NTN1: variants seen among roughly 807,000 people sequenced by gnomAD.
The protein encoded by NTN1 is netrin 1.
A neutral mutation model predicts 54.2 loss-of-function variants in NTN1; 11 were observed. The observed-to-expected ratio is 0.20, with a 90% CI of 0.13 to 0.34. The LOEUF is 0.34. Ranked by LOEUF, NTN1 falls within the 10% of genes least tolerant of loss-of-function variation. The pLI is 1.00. For synonymous variants in NTN1, 371 were observed against 382.0 expected, an observed-to-expected ratio of 0.97 and a Z score of 0.33; for missense variants, 740 against 893.1, an observed-to-expected ratio of 0.83 and a Z score of 2.18.
At chr17:9,006,100 G>T in the NTN1 span, among the ~76,000 whole-genome samples, 1 of 151,772 alleles carries the variant, frequency 6.6e-6, no homozygotes, top group Non-Finnish European at 1.5e-5. Flanking sequence ...GTGTGAAGTG[G>T]GCGGTGGAGG....
chr17:9,146,636 C>T (rs1335455537), intron 2 of NTN1, among the ~76,000 whole-genome samples: 1 of 152,028 alleles, frequency 6.6e-6, no homozygotes, highest in Non-Finnish European at 1.5e-5. Flanking sequence ...CCCTGGGGCT[C>T]CTGGCAGCCA....
At chr17:9,073,450 T>C (rs2092039240) in intron 2 of NTN1, among the ~76,000 whole-genome samples, 1 of 152,236 alleles carries the variant, frequency 6.6e-6, no homozygotes, top group Non-Finnish European at 1.5e-5. Flanking sequence ...CAGAATAGCC[T>C]GGGATGGAAA....
In NTN1 at chr17:9,154,550, T is replaced by C. The variant is rs545255789; in HGVS notation, c.1019-8263T>C. Reference sequence around the variant, plus strand: ...TTCCCAAAAGGAGCCCTTTGAGAGGTTGGCTCAGAATGATCCCCAGGTGTG... The same window carrying C: ...TTCCCAAAAGGAGCCCTTTGAGAGGCTGGCTCAGAATGATCCCCAGGTGTG... On this transcript the variant is annotated intron_variant, in intron 2 of 6. Coordinates refer to ENST00000173229, the MANE Select transcript of NTN1 (RefSeq NM_004822.3). Among the ~76,000 whole-genome samples, 32 of 152,222 alleles carry C rather than the reference T, an allele frequency of 2.1e-4. No individual in the cohort carries two copies. The South Asian group carries it at 6.6e-3, about 32-fold the overall frequency.
rs138602358 is a variant in NTN1, at chr17:9,035,302, C to T, written c.1018+11911C>T. ...TGGAATCATATTCTGGCTTCTTTTG[C>T]TCCATGTTACATTTGTGGTCTTCAT... is the stretch of plus-strand genomic sequence containing the variant. On this transcript the variant is annotated intron_variant, in intron 2 of 6. Transcript: ENST00000173229. Among the ~76,000 whole-genome samples, 226 of 152,298 alleles carry T rather than the reference C, an allele frequency of 1.5e-3. 1 individual carries two copies. Among genetic ancestry groups the T allele is most frequent in the African/African-American group, 5.2e-3 (216 of 41,572 alleles).
chr17:9,214,798 G>A (rs1905181057), intron 5 of NTN1, among the ~76,000 whole-genome samples: 1 of 152,088 alleles, frequency 6.6e-6, no homozygotes, highest in Non-Finnish European at 1.5e-5. Context: ...CTCCAGCCTG[G>A]GCAACACAGT....
At chr17:9,142,962 G>A (rs1484823089) in intron 2 of NTN1, among the ~76,000 whole-genome samples, 16 of 152,226 alleles carry the variant, frequency 1.1e-4, no homozygotes, top group Non-Finnish European at 4.4e-5. Flanking sequence ...AAGGTAATGT[G>A]CAGTGAAGAA....
chr17:9,205,477 A>G (rs1904941570), intron 5 of NTN1, among the ~76,000 whole-genome samples: 1 of 152,208 alleles, frequency 6.6e-6, no homozygotes, highest in Admixed American at 6.5e-5. Flanking sequence ...AAAATAATAA[A>G]TTAGCTATGT....
intron 2 of NTN1, among the ~76,000 whole-genome samples, chr17:9,043,122 A>T (rs2091928066): frequency 6.6e-6 from 1 of 152,206 alleles, no homozygotes; most frequent in Non-Finnish European, 1.5e-5. Context: ...TCATTTTTCA[A>T]GCATAGGATT....
Position 9,135,075 on chromosome 17 carries a change from C to T in NTN1, c.1019-27738C>T, listed in dbSNP as rs2092276941. On this transcript the variant is annotated intron_variant, in intron 2 of 6. Transcript: ENST00000173229. This position sits in a 1 kb window ranked among gnomAD's most constrained non-coding sequence, Gnocchi z 4.4. Reference sequence around the variant, plus strand: ...ATTCTCCGAGTGCTGTACCTGGACACGGGTGTCCCCATCCACACCGAGGGC... The same window carrying T: ...ATTCTCCGAGTGCTGTACCTGGACATGGGTGTCCCCATCCACACCGAGGGC... Among the ~76,000 whole-genome samples, 1 of 152,136 alleles carries T rather than the reference C, an allele frequency of 6.6e-6. No individual in the cohort carries two copies. The highest frequency in any genetic ancestry group is 2.4e-5 in the African/African-American group (1 of 41,418).
At chr17:9,011,517 G>A in the NTN1 span, among the ~76,000 whole-genome samples, 121 of 152,240 alleles carry the variant, frequency 7.9e-4, 1 homozygote, top group Middle Eastern at 3.4e-3. Flanking sequence ...CCTTAATCAC[G>A]TCAGCAAAGA....
chr17:9,121,236 A>C (rs541578945), intron 2 of NTN1, among the ~76,000 whole-genome samples: 5 of 152,180 alleles, frequency 3.3e-5, no homozygotes, highest in Non-Finnish European at 7.3e-5. Context: ...TTCTTTTCCT[A>C]GAGGCCGTGT....
Position 9,139,779 on chromosome 17 carries a change from C to T in NTN1, c.1019-23034C>T, listed in dbSNP as rs148412276. Among the ~76,000 whole-genome samples, 522 of 152,176 alleles carry T rather than the reference C, an allele frequency of 3.4e-3. 3 individuals carry two copies. Among genetic ancestry groups the T allele is most frequent in the African/African-American group, 0.011 (474 of 41,510 alleles). ...ATGAATTATTATCTAGTACATCCAT[C>T]TACCTACCTACCTACTCACTTATCC... On this transcript the variant is annotated intron_variant, in intron 2 of 6. Transcript: ENST00000173229.
chr17:9,111,539 AT>A (rs2092190744), intron 2 of NTN1, among the ~76,000 whole-genome samples: 1 of 152,084 alleles, frequency 6.6e-6, no homozygotes, highest in Non-Finnish European at 1.5e-5. Context: ...AATGCAGCTG[AT>A]TCTTAAACAA....
At chr17:9,153,884 T>G (rs1400043874) in intron 2 of NTN1, among the ~76,000 whole-genome samples, 1 of 152,222 alleles carries the variant, frequency 6.6e-6, no homozygotes, top group Non-Finnish European at 1.5e-5. Flanking sequence ...GGACTGACTC[T>G]ACCTGTTGAC....
chr17:9,156,126 G>T (rs532128245), intron 2 of NTN1, among the ~76,000 whole-genome samples: 2 of 152,282 alleles, frequency 1.3e-5, no homozygotes, highest in East Asian at 3.9e-4. Context: ...ATGTGGCCTG[G>T]ACATGTGGAA....
At chr17:9,148,878 G>A (rs938422627) in intron 2 of NTN1, among the ~76,000 whole-genome samples, 1 of 151,980 alleles carries the variant, frequency 6.6e-6, no homozygotes, top group African/African-American at 2.4e-5. Flanking sequence ...CCAAGTCAAA[G>A]TTAACTAAAG....
chr17:9,068,548 GC>G (rs924226652), intron 2 of NTN1, among the ~76,000 whole-genome samples: 1 of 147,132 alleles, frequency 6.8e-6, no homozygotes, highest in African/African-American at 2.5e-5. Context: ...TTCTCTCGTT[GC>G]CCAGGCTGGA....
At chr17:9,227,569 A>T (rs1010744945) in intron 6 of NTN1, among the ~76,000 whole-genome samples, 23 of 111,760 alleles carry the variant, frequency 2.1e-4, no homozygotes, top group African/African-American at 5.8e-4. Context: ...ACACTATCAC[A>T]CACACACATC....
At chr17:9,114,650 G>A (rs1163460522) in intron 2 of NTN1, among the ~76,000 whole-genome samples, 1 of 152,138 alleles carries the variant, frequency 6.6e-6, no homozygotes, top group Non-Finnish European at 1.5e-5. Context: ...CTACTTGGGA[G>A]GCTAAGGCAC....
Sources: gnomAD v4.1 joint callset for allele counts (sites outside exome capture counted in the v4.1 genomes callset) on GRCh38, gnomAD v4.1.1 for gene constraint, Gnocchi (gnomAD v3.1) non-coding constraint, MANE v1.5 for transcripts, NCBI Gene and HGNC (gene_info 2026-07-23, HGNC 2026-07-21) for gene names.